Variants in PLEKHA1 observed in about 807,000 individuals in gnomAD.
The protein encoded by PLEKHA1 is pleckstrin homology domain containing A1, also known as pleckstrin homology domain-containing family A member 1.
Under a neutral mutation model 52.0 loss-of-function variants are expected in PLEKHA1, and 34 were observed. The ratio of observed to expected loss-of-function variants is 0.65; its 90% CI spans 0.50 to 0.87. The LOEUF (loss-of-function observed/expected upper bound fraction) is 0.87. Among genes scored for constraint, PLEKHA1 ranks in the 40% least tolerant of loss-of-function variants. The probability of loss-of-function intolerance (pLI) is 0.00; values close to 1 mark genes in which losing one functional copy is unlikely to be tolerated. For synonymous variants in PLEKHA1, 163 were observed against 170.7 expected (o/e 0.95, Z 0.35); for missense variants, 497 against 504.2 (o/e 0.99, Z 0.14).
At chr10:122,375,435 C>T (rs2096517533) in intron 1 of PLEKHA1, among the ~76,000 whole-genome samples, 1 of 152,250 alleles carries the variant, frequency 6.6e-6, no homozygotes, top group South Asian at 2.1e-4. Context: ...TGGCCAGAGG[C>T]AGCGTTGAAA....
At chr10:122,382,060 A>G (rs1020353131) in intron 1 of PLEKHA1, among the ~76,000 whole-genome samples, 1 of 152,316 alleles carries the variant, frequency 6.6e-6, no homozygotes, top group Non-Finnish European at 1.5e-5. Context: ...GGGAGATGAA[A>G]TATTCCTTAG....
chr10:122,379,162 C>G (rs927753231), intron 1 of PLEKHA1, among the ~76,000 whole-genome samples: 2 of 151,940 alleles, frequency 1.3e-5, no homozygotes, highest in Non-Finnish European at 2.9e-5. Context: ...AACCTACACA[C>G]CCATCTGCTT....
At position 122,412,998 on chromosome 10, in the gene PLEKHA1, T is replaced by C; in HGVS notation, c.421T>C (p.Tyr141His). ...HGECGKKQVS[Y>H]RTDIVGGVPI... ...TGAATGTGGGAAAAAGCAAGTGTCT[T>C]ACAGAACTGATATTGTTGGTGGCGT... The change falls in exon 6 of 12, where the codon TAC (tyrosine) becomes CAC (histidine). Residue 141 changes from tyrosine to histidine, a missense_variant. By Grantham distance (83) the Tyr-to-His change is moderately conservative. Coordinates refer to ENST00000368990, the MANE Select transcript of PLEKHA1 (RefSeq NM_001001974.4). 6.2e-7 allele frequency: 1 copy of C among 1,613,568 alleles called. No homozygotes were observed. The highest frequency in any genetic ancestry group is 8.5e-7 in the Non-Finnish European group (1 of 1,179,616).
chr10:122,399,506 G>A (rs1456336744), intron 3 of PLEKHA1, among the ~76,000 whole-genome samples: 1 of 152,098 alleles, frequency 6.6e-6, no homozygotes, highest in African/African-American at 2.4e-5. Flanking sequence ...TCTCCTCATA[G>A]CAGATTAATG....
intron 4 of PLEKHA1, among the ~76,000 whole-genome samples, chr10:122,401,241 G>T (rs188291595): frequency 6.6e-6 from 1 of 152,296 alleles, no homozygotes; most frequent in East Asian, 1.9e-4. Flanking sequence ...GTGTTTTGAC[G>T]AGCAATAGGT....
chr10:122,403,080 A>G (rs1203838651), intron 4 of PLEKHA1, among the ~76,000 whole-genome samples: 3 of 152,234 alleles, frequency 2.0e-5, no homozygotes, highest in Non-Finnish European at 4.4e-5. Context: ...CTTTTAAAAT[A>G]TGAATAGACA....
intron 4 of PLEKHA1, among the ~76,000 whole-genome samples, chr10:122,400,879 G>A (rs2096918310): frequency 6.6e-6 from 1 of 152,176 alleles, no homozygotes; most frequent in Non-Finnish European, 1.5e-5. Context: ...AGAAACAGTT[G>A]CTGCCCTTAA....
intron 11 of PLEKHA1, among the ~76,000 whole-genome samples, chr10:122,427,315 A>G (rs1411228137): frequency 1.3e-5 from 2 of 152,238 alleles, no homozygotes; most frequent in Non-Finnish European, 2.9e-5. Flanking sequence ...ACTTGTCAGT[A>G]GCTCTAGATT....
intron 1 of PLEKHA1, among the ~76,000 whole-genome samples, chr10:122,381,910 A>G (rs1466629903): frequency 6.6e-6 from 1 of 152,168 alleles, no homozygotes; most frequent in Non-Finnish European, 1.5e-5. Flanking sequence ...GGAGGTCAAC[A>G]GTGTTCAAGG....
At chr10:122,397,594 T>TC (rs2096868802) in intron 2 of PLEKHA1, among the ~76,000 whole-genome samples, 1 of 152,200 alleles carries the variant, frequency 6.6e-6, no homozygotes, top group East Asian at 1.9e-4. Context: ...TGTAAATATT[T>TC]CCCCCTTGCT....
chr10:122,431,340 G>T lies in PLEKHA1; in HGVS notation c.*1402G>T, dbSNP rs1159063620. 2.0e-5 allele frequency: 3 copies of T among 152,532 alleles called. No homozygotes were observed. The highest frequency in any genetic ancestry group is 4.4e-5 in the Non-Finnish European group (3 of 68,076). 9.4% of individuals were successfully genotyped at this position (152,532 alleles called of 1,614,324 possible). A position where few individuals can be genotyped will look rare whatever the true frequency, so the allele number is the denominator to read the frequency against. ...TCACCATGTTGGCCAGGCTCGTCTC[G>T]AACTCCTGACTTCAGGTGATCCACC... On this transcript the variant is annotated 3_prime_UTR_variant, in exon 12 of 12. Transcript: ENST00000368990.
intron 1 of PLEKHA1, among the ~76,000 whole-genome samples, chr10:122,390,838 G>A (rs1158269861): frequency 2.0e-5 from 3 of 148,610 alleles, no homozygotes; most frequent in South Asian, 4.3e-4. Context: ...GGATCATATG[G>A]TAATTCTATG....
At chr10:122,435,280 A>G (rs2097433999), downstream of PLEKHA1, 1 of 152,218 alleles carries the variant, frequency 6.6e-6, no homozygotes, top group Non-Finnish European at 1.5e-5. Context: ...AAATGATTAA[A>G]TTGTATGTTT....
At chr10:122,428,121 G>T (rs1590965842) in intron 11 of PLEKHA1, among the ~76,000 whole-genome samples, 2 of 152,156 alleles carry the variant, frequency 1.3e-5, no homozygotes, top group Non-Finnish European at 2.9e-5. Context: ...AGTGTCTGTT[G>T]GGAAGAGGAA....
In PLEKHA1 at chr10:122,398,002, G is replaced by T. The variant is rs551366372; in HGVS notation, c.198+28G>T. 9 of 1,561,226 alleles carry T rather than the reference G, an allele frequency of 5.8e-6. No homozygotes were observed. In the Admixed American group the frequency reaches 1.0e-4, roughly 17 times the overall value. ...AGTCTTTATACATTGTCTTATACTC[G>T]TGTGAATTAAAATCCCTGTGAATGA... On this transcript the variant is annotated intron_variant, in intron 3 of 11. Transcript: ENST00000368990.
At chr10:122,409,653 A>G (rs1157643820) in intron 5 of PLEKHA1, among the ~76,000 whole-genome samples, 2 of 152,198 alleles carry the variant, frequency 1.3e-5, no homozygotes, top group African/African-American at 2.4e-5. Context: ...AGTTTGATAT[A>G]TTTTTAATAG....
intron 1 of PLEKHA1, among the ~76,000 whole-genome samples, chr10:122,382,036 A>G (rs147040357): frequency 1.3e-3 from 200 of 152,346 alleles, no homozygotes; most frequent in Non-Finnish European, 2.5e-3. Context: ...GGGATACTCC[A>G]ACAATAGAGG....
At position 122,399,298 on chromosome 10, in the gene PLEKHA1, A is replaced by G. The variant is rs375005734; in HGVS notation, c.199-1045A>G. Among the ~76,000 whole-genome samples the G allele has an allele frequency of 1.8e-4, 27 of 152,280 alleles. No individual in the cohort carries two copies. The South Asian group carries it at 5.6e-3, about 32-fold the overall frequency. On this transcript the variant is annotated intron_variant, in intron 3 of 11. Transcript: ENST00000368990. ...AAGGTGCAAAACGGATGCTACAATT[A>G]TAAGTTCTATCACTGGACAACAGCA... is the stretch of plus-strand genomic sequence containing the variant.
chr10:122,412,740 A>G, intron 5 of PLEKHA1, 180 bp from the exon 6 acceptor site: 1 of 628,092 alleles, frequency 1.6e-6, no homozygotes, highest in Non-Finnish European at 2.7e-6. Flanking sequence ...GCTATATTAT[A>G]AAATATTATT....
Sources: allele counts gnomAD v4.1 joint callset (sites outside exome capture counted in the v4.1 genomes callset), GRCh38; gene constraint gnomAD v4.1.1; transcripts MANE v1.5; gene names NCBI Gene and HGNC (gene_info 2026-07-23, HGNC 2026-07-21).